The following CLMP variants were observed in gnomAD, a reference collection of about 807,000 sequenced individuals.
CLMP encodes CXADR-like membrane protein.
In CLMP, 27 loss-of-function variants were observed where a neutral mutation model predicts 45.2. The ratio of observed to expected loss-of-function variants is 0.60; its 90% CI spans 0.44 to 0.82. The LOEUF (loss-of-function observed/expected upper bound fraction) is 0.82, where lower values mean the gene tolerates loss of function less well. Among genes scored for constraint, CLMP ranks in the 40% least tolerant of loss-of-function variants. The pLI is 0.00. For synonymous variants in CLMP, 167 were observed against 171.4 expected (o/e 0.97, Z 0.20); for missense variants, 403 against 448.4 (o/e 0.90, Z 0.91).
intron 1 of CLMP, among the ~76,000 whole-genome samples, chr11:123,146,864 G>A (rs568030671): frequency 7.2e-5 from 11 of 152,198 alleles, no homozygotes; most frequent in South Asian, 2.1e-4. Flanking sequence ...CAAATTCAGC[G>A]CTGTGCCTCC....
At chr11:123,177,338 T>C (rs886343553) in intron 1 of CLMP, among the ~76,000 whole-genome samples, 3 of 152,126 alleles carry the variant, frequency 2.0e-5, no homozygotes, top group South Asian at 2.1e-4. Context: ...GGAGTGGACA[T>C]TGGCCCTGTG....
chr11:123,134,873 G>A lies in CLMP; in HGVS notation c.29-36921C>T, dbSNP rs117755121. Among the ~76,000 whole-genome samples the A allele has an allele frequency of 7.2e-5, 11 of 152,188 alleles. No homozygotes were observed. In the East Asian group the frequency reaches 1.4e-3, roughly 19 times the overall value. On this transcript the variant is annotated intron_variant, in intron 1 of 6. Transcript: ENST00000448775. ...TGTGCCAGCACACTGTCAGGACAGC[G>A]TTTGGCTTCATGGATACCAGCTGTC...
intron 2 of CLMP, among the ~76,000 whole-genome samples, chr11:123,089,390 C>T (rs1482578854): frequency 6.6e-6 from 1 of 151,736 alleles, no homozygotes; most frequent in African/African-American, 2.4e-5. Context: ...TTCTTCATGA[C>T]ACAGCATACA....
At chr11:123,161,565 A>G (rs1171270767) in intron 1 of CLMP, among the ~76,000 whole-genome samples, 1 of 152,130 alleles carries the variant, frequency 6.6e-6, no homozygotes, top group Non-Finnish European at 1.5e-5. Flanking sequence ...AGTACCAGCT[A>G]CTTGGGTAGC....
chr11:123,188,738 A>G (rs917358006), intron 1 of CLMP: 2 of 152,188 alleles, frequency 1.3e-5, no homozygotes, highest in African/African-American at 2.4e-5. Context: ...CTAACAAAAT[A>G]AAGGTTTCAT....
chr11:123,162,214 T>G (rs528783565), intron 1 of CLMP, among the ~76,000 whole-genome samples: 2 of 152,078 alleles, frequency 1.3e-5, no homozygotes, highest in African/African-American at 2.4e-5. Flanking sequence ...CTCAGAGGAA[T>G]AGATGAGCAG....
intron 1 of CLMP, among the ~76,000 whole-genome samples, chr11:123,173,136 T>C (rs752224644): frequency 6.6e-6 from 1 of 152,210 alleles, no homozygotes; most frequent in Non-Finnish European, 1.5e-5. Flanking sequence ...AAAGCAGATA[T>C]GGTTTGCTTT....
intron 1 of CLMP, among the ~76,000 whole-genome samples, chr11:123,105,831 T>C (rs1860537835): frequency 6.6e-6 from 1 of 151,324 alleles, no homozygotes; most frequent in Non-Finnish European, 1.5e-5. Context: ...TTGTTTTTTT[T>C]TTTTTGAGAC....
chr11:123,107,062 AT>A lies in CLMP; in HGVS notation c.29-9111del, dbSNP rs556205898. On this transcript the variant is annotated intron_variant, in intron 1 of 6. Transcript: ENST00000448775. ...TAATAATAATAATTGTACTTGCTGC[AT>A]TTTTTTTTTTTGAGACAGGGTCTCA... is the stretch of plus-strand genomic sequence containing the variant. Among the ~76,000 whole-genome samples the A allele has an allele frequency of 5.0e-3, 718 of 142,770 alleles. 9 individuals carry two copies. Among genetic ancestry groups the A allele is most frequent in the South Asian group, 0.018 (80 of 4,536 alleles). 93.7% of individuals were successfully genotyped at this position (142,770 alleles called of 152,430 possible). A position where few individuals can be genotyped will look rare whatever the true frequency, so the allele number is the denominator to read the frequency against.
intron 1 of CLMP, among the ~76,000 whole-genome samples, chr11:123,181,111 G>A (rs538915820): frequency 3.3e-5 from 5 of 152,252 alleles, no homozygotes; most frequent in Admixed American, 2.0e-4. Context: ...ACCACACAGC[G>A]TGACCTCTAT....
chr11:123,148,863 T>G (rs1401610054), intron 1 of CLMP, among the ~76,000 whole-genome samples: 2 of 152,216 alleles, frequency 1.3e-5, no homozygotes, highest in Non-Finnish European at 2.9e-5. Context: ...CCATAAAGAC[T>G]GAGGTCTAGG....
At chr11:123,127,801 C>G (rs1225319557) in intron 1 of CLMP, among the ~76,000 whole-genome samples, 1 of 152,026 alleles carries the variant, frequency 6.6e-6, no homozygotes, top group Non-Finnish European at 1.5e-5. Context: ...CTTTGGGAGG[C>G]CAAGGTGGGC....
At chr11:123,186,671 C>T (rs930022000) in intron 1 of CLMP, among the ~76,000 whole-genome samples, 2 of 152,086 alleles carry the variant, frequency 1.3e-5, no homozygotes, top group African/African-American at 4.8e-5. Flanking sequence ...TACAGGCGTG[C>T]GTCACCACAC....
At chr11:123,119,555 C>T (rs527871662) in intron 1 of CLMP, among the ~76,000 whole-genome samples, 38 of 152,232 alleles carry the variant, frequency 2.5e-4, no homozygotes, top group African/African-American at 7.9e-4. Flanking sequence ...AAAGCTTTTT[C>T]GAATAACGTA....
At chr11:123,114,105 T>C (rs993049393) in intron 1 of CLMP, among the ~76,000 whole-genome samples, 3 of 152,154 alleles carry the variant, frequency 2.0e-5, no homozygotes, top group African/African-American at 7.2e-5. Flanking sequence ...AATCTTTTAT[T>C]ACCTTCGTCA....
intron 1 of CLMP, chr11:123,136,457 C>T: frequency 2.4e-6 from 1 of 413,290 alleles, no homozygotes; most frequent in Non-Finnish European, 4.4e-6. Flanking sequence ...ACCCCACCCT[C>T]CTCTCCCTGG....
rs1056090314 is a variant in CLMP at position 123,070,080 on chromosome 11, A to G, written c.*3394T>C. On this transcript the variant is annotated 3_prime_UTR_variant, in exon 7 of 7. Transcript: ENST00000448775. The stretch of plus-strand genomic sequence containing the variant: ...TTCCGAAATTGTTTTTATACACTGT[A>G]ACAACAAAGGTACCAACTTCCTTAT... 1 of 152,236 alleles carries G rather than the reference A, an allele frequency of 6.6e-6. No homozygotes were observed. Among genetic ancestry groups the G allele is most frequent in the African/African-American group, 2.4e-5 (1 of 41,472 alleles). 9.4% of individuals were successfully genotyped at this position (152,236 alleles called of 1,614,324 possible). A position where few individuals can be genotyped will look rare whatever the true frequency, so the allele number is the denominator to read the frequency against.
chr11:123,083,936 C>G (rs765200844), intron 3 of CLMP, 89 bp from the exon 4 acceptor site: 19 of 1,452,442 alleles, frequency 1.3e-5, no homozygotes, highest in Non-Finnish European at 1.8e-5. Flanking sequence ...TATTGAGTTG[C>G]TTCTCCAGCC....
At chr11:123,155,337 T>C (rs775443395) in intron 1 of CLMP, among the ~76,000 whole-genome samples, 2 of 152,154 alleles carry the variant, frequency 1.3e-5, no homozygotes, top group Non-Finnish European at 2.9e-5. Flanking sequence ...TTGACTTGTA[T>C]TACCATTGCA....
Sources: gnomAD v4.1 joint callset for allele counts (sites outside exome capture counted in the v4.1 genomes callset) on GRCh38, gnomAD v4.1.1 for gene constraint, MANE v1.5 for transcripts, NCBI Gene and HGNC (gene_info 2026-07-23, HGNC 2026-07-21) for gene names.